Variants in XPOT observed in about 807,000 individuals in gnomAD.
XPOT encodes exportin-T.
Under a neutral mutation model 128.2 loss-of-function variants are expected in XPOT, and 34 were observed. The ratio of observed to expected loss-of-function variants is 0.27; its 90% confidence interval spans 0.20 to 0.35. The LOEUF is 0.35. Ranked by LOEUF, XPOT falls within the 10% of genes least tolerant of loss-of-function variation. The pLI is 1.00. For missense variants in XPOT, 838 were observed against 1,125.3 expected (o/e 0.74, Z 3.65); for synonymous variants, 348 against 394.3 (o/e 0.88, Z 1.39).
rs760724325 is a variant in XPOT at position 64,418,090 on chromosome 12, C to T, written c.245C>T (p.Thr82Met). Residue 82 changes from threonine (T) to methionine (M), a missense_variant, in exon 5 of 25, where the codon ACG becomes ATG. Thr to Met is a moderately conservative substitution (Grantham distance 81). Transcript: ENST00000332707. ...TTVQQQLIRE[T>M]LISWLQAQML... ...GTTCAACAACAGCTAATTAGGGAGACGCTCATATCATGGCTGCAAGCTCAG... is the reference window on the plus strand; with the variant it reads ...GTTCAACAACAGCTAATTAGGGAGATGCTCATATCATGGCTGCAAGCTCAG... The T allele has an allele frequency of 1.5e-5, 25 of 1,613,392 alleles. No individual in the cohort carries two copies. Among genetic ancestry groups the T allele is most frequent in the African/African-American group, 4.0e-5 (3 of 75,028 alleles).
chr12:64,412,581 C>T (rs1173504535), intron 2 of XPOT, among the ~76,000 whole-genome samples: 1 of 152,188 alleles, frequency 6.6e-6, no homozygotes. Flanking sequence ...TTATAGCTGC[C>T]TGTGTTCTTA....
intron 6 of XPOT, among the ~76,000 whole-genome samples, chr12:64,419,369 G>GCCA (rs1186641859): frequency 1.3e-5 from 2 of 152,090 alleles, no homozygotes; most frequent in Non-Finnish European, 2.9e-5. Flanking sequence ...CCAGGCTGGA[G>GCCA]TGCAGTGGCA....
rs7309367 is a variant in XPOT at position 64,416,467 on chromosome 12, G to T, written c.144-231G>T. On this transcript the variant is annotated intron_variant, in intron 3 of 24. Transcript: ENST00000332707. The stretch of plus-strand genomic sequence containing the variant: ...AAGGTGCATCTTAATATCTTGGTTA[G>T]TTTGCTTGTCAGATTTAATGGAAAT... Among the ~76,000 whole-genome samples, 136,538 of 152,240 alleles carry T rather than the reference G, an allele frequency of 0.9. 61,469 individuals are homozygous for T. The highest frequency in any genetic ancestry group is 0.94 in the Admixed American group (14,360 of 15,294).
intron 23 of XPOT, among the ~76,000 whole-genome samples, chr12:64,440,207 T>G (rs1328089569): frequency 3.3e-5 from 5 of 152,212 alleles, no homozygotes; most frequent in Non-Finnish European, 5.9e-5. Context: ...ATACCTAATA[T>G]AAGTGGAATC....
intron 1 of XPOT, among the ~76,000 whole-genome samples, chr12:64,408,695 A>T (rs1487334697): frequency 6.6e-6 from 1 of 151,330 alleles, no homozygotes; most frequent in Non-Finnish European, 1.5e-5. Context: ...TTTTTTTGAG[A>T]TGGAATCTCA....
In XPOT at chr12:64,425,447, C is replaced by T; in HGVS notation, c.1562C>T (p.Pro521Leu). ...TTCACAGTTGAACCTCAGCACATTC[C>T]ATGTGTACTAGTAAGTACTCTGGAT... is the stretch of plus-strand genomic sequence containing the variant. ...KFFTVEPQHI[P>L]CVLMAFLDHR... The change falls in exon 14 of 25, where the codon CCA becomes CTA. Residue 521 changes from proline to leucine, a missense_variant. Around this residue, in one of 3 missense-constraint regions of XPOT, gnomAD observed 761 missense variants for 988.3 expected, o/e 0.77. Transcript: ENST00000332707. 1.2e-6 allele frequency: 2 copies of T among 1,613,892 alleles called. No homozygotes were observed. The highest frequency in any genetic ancestry group is 1.7e-6 in the Non-Finnish European group (2 of 1,179,918).
chr12:64,420,987 A>T (rs2040133588), intron 8 of XPOT, among the ~76,000 whole-genome samples: 1 of 152,146 alleles, frequency 6.6e-6, no homozygotes, highest in Non-Finnish European at 1.5e-5. Flanking sequence ...TTTTTGGTAG[A>T]GACGGGGTTT....
At chr12:64,416,932 GC>G (rs2040092700) in intron 4 of XPOT, among the ~76,000 whole-genome samples, 178 bp downstream of exon 4, 1 of 152,196 alleles carries the variant, frequency 6.6e-6, no homozygotes, top group Admixed American at 6.5e-5. Context: ...TGCTGAGTTG[GC>G]CAGGTGAGGT....
intron 2 of XPOT, among the ~76,000 whole-genome samples, chr12:64,413,521 T>C (rs185474901): frequency 4.6e-5 from 7 of 152,328 alleles, no homozygotes; most frequent in Admixed American, 4.6e-4. Context: ...AAAGCCCAAA[T>C]GTATTTTTTC....
At position 64,414,784 on chromosome 12, in the gene XPOT, C is replaced by T. The variant is rs1415452824; in HGVS notation, c.61-123C>T. The T allele has an allele frequency of 1.7e-5, 10 of 598,850 alleles. No homozygotes were observed. In the South Asian group the frequency reaches 1.7e-4, roughly 10 times the overall value. 37.1% of individuals were successfully genotyped at this position (598,850 alleles called of 1,614,324 possible). A position where few individuals can be genotyped will look rare whatever the true frequency, so the allele number is the denominator to read the frequency against. On this transcript the variant is annotated intron_variant, in intron 2 of 24. Transcript: ENST00000332707. ...CGGAAGCCTGCATTTAATGTTTTAACTGTTTTTCTATTAAGTTTACTGATT... is the reference window on the plus strand; with the variant it reads ...CGGAAGCCTGCATTTAATGTTTTAATTGTTTTTCTATTAAGTTTACTGATT...
chr12:64,434,379 T>TC (rs912971388), intron 19 of XPOT, 128 bp from the exon 20 acceptor site: 35 of 636,506 alleles, frequency 5.5e-5, no homozygotes, highest in African/African-American at 5.1e-4. Context: ...AATGCTTTTT[T>TC]CCCCCTTCAT....
At chr12:64,444,728 A>G (rs1283170856) in intron 23 of XPOT, among the ~76,000 whole-genome samples, 1 of 152,176 alleles carries the variant, frequency 6.6e-6, no homozygotes, top group African/African-American at 2.4e-5. Context: ...CTGTTGTACA[A>G]CAGTGTGCAT....
chr12:64,409,998 C>T lies in XPOT; in HGVS notation c.-38C>T. ...TTCTTCTGTGGGATCAGAGGGCACG[C>T]CTATTACAACCAGAAAACTACAAGT... On this transcript the variant is annotated 5_prime_UTR_variant, in exon 2 of 25. Coordinates refer to ENST00000332707, the MANE Select transcript of XPOT (RefSeq NM_007235.6). The T allele has an allele frequency of 6.3e-7, 1 of 1,577,580 alleles. No homozygotes were observed. The highest frequency in any genetic ancestry group is 8.7e-7 in the Non-Finnish European group (1 of 1,148,100).
chr12:64,414,973 G>C lies in XPOT; in HGVS notation c.127G>C (p.Ala43Pro). Residue 43 changes from alanine to proline, a missense_variant, in exon 3 of 25, where the codon GCC (alanine) becomes CCC (proline). By Grantham distance (27) the Ala-to-Pro change is conservative. Coordinates refer to ENST00000332707, the MANE Select transcript of XPOT (RefSeq NM_007235.6). The part of the protein sequence containing the change: ...DAWQVCAEAL[A>P]QRTYSDDHVK... The stretch of plus-strand genomic sequence containing the variant: ...CTGGCAGGTGTGTGCAGAAGCTCTA[G>C]CCCAGAGGACATACAGGTAATTAAA... 2.5e-6 allele frequency: 4 copies of C among 1,612,494 alleles called. No individual in the cohort carries two copies. The highest frequency in any genetic ancestry group is 3.4e-6 in the Non-Finnish European group (4 of 1,178,848).
intron 23 of XPOT, among the ~76,000 whole-genome samples, chr12:64,441,527 T>C (rs941844462): frequency 3.9e-5 from 6 of 152,240 alleles, no homozygotes; most frequent in Non-Finnish European, 8.8e-5. Flanking sequence ...TTGTTTTGGC[T>C]ATTCAGGGCC....
chr12:64,416,637 CTTTGA>C, intron 3 of XPOT, 56 bp from the exon 4 acceptor site: 1 of 1,426,000 alleles, frequency 7.0e-7, no homozygotes. Flanking sequence ...ACTATTTTGC[CTTTGA>C]TTTGTTTTCC....
intron 1 of XPOT, among the ~76,000 whole-genome samples, chr12:64,406,040 C>T (rs2039978083): frequency 6.6e-6 from 1 of 152,194 alleles, no homozygotes. Flanking sequence ...CTTCATTTTT[C>T]TCCCGATAGC....
intron 1 of XPOT, among the ~76,000 whole-genome samples, chr12:64,406,359 C>A (rs1369707216): frequency 6.6e-6 from 1 of 151,890 alleles, no homozygotes; most frequent in Non-Finnish European, 1.5e-5. Context: ...CAGGCGTGAG[C>A]CACCGTGCCC....
chr12:64,433,694 G>T, intron 19 of XPOT, 91 bp downstream of exon 19: 1 of 1,309,106 alleles, frequency 7.6e-7, no homozygotes, highest in East Asian at 2.7e-5. Context: ...AGTAAATACA[G>T]AAATTTTGAA....
Sources: allele counts gnomAD v4.1 joint callset (sites outside exome capture counted in the v4.1 genomes callset), GRCh38; gene constraint gnomAD v4.1.1; regional missense constraint gnomAD v4.1.1; transcripts MANE v1.5; gene names NCBI Gene and HGNC (gene_info 2026-07-23, HGNC 2026-07-21).